ANKRD55: variants seen among roughly 807,000 people sequenced by gnomAD.
ANKRD55 encodes ankyrin repeat domain-containing protein 55.
A neutral mutation model predicts 60.6 loss-of-function variants in ANKRD55; 41 were observed. The observed-to-expected ratio is 0.68, with a 90% CI of 0.53 to 0.88. The LOEUF is 0.88. Among genes scored for constraint, ANKRD55 ranks in the 40% least tolerant of loss-of-function variants. ANKRD55 has a pLI of 0.00. For synonymous variants in ANKRD55, 264 were observed against 290.3 expected (o/e 0.91, Z 0.92); for missense variants, 732 against 767.6 (o/e 0.95, Z 0.55).
chr5:56,224,241 G>C (rs1193895644), intron 2 of ANKRD55, among the ~76,000 whole-genome samples: 2 of 151,226 alleles, frequency 1.3e-5, no homozygotes, highest in African/African-American at 4.9e-5. Context: ...ATGACTACTG[G>C]GTACATAATG....
intron 6 of ANKRD55, among the ~76,000 whole-genome samples, chr5:56,144,726 A>C (rs1254076615): frequency 4.6e-5 from 7 of 152,234 alleles, no homozygotes; most frequent in Non-Finnish European, 1.0e-4. Flanking sequence ...AGCTGGATAA[A>C]TGAATGGTGA....
At chr5:56,143,487 T>C (rs992872638) in intron 7 of ANKRD55, among the ~76,000 whole-genome samples, 3 of 152,160 alleles carry the variant, frequency 2.0e-5, no homozygotes, top group African/African-American at 7.2e-5. Context: ...TCAAAGACTT[T>C]GAAGGCATTT....
intron 11 of ANKRD55, among the ~76,000 whole-genome samples, chr5:56,101,165 T>A (rs1756259654): frequency 6.6e-6 from 1 of 152,254 alleles, no homozygotes; most frequent in Admixed American, 6.5e-5. Context: ...TTGGTTTGTC[T>A]CCTTCAAACC....
rs61268045 is a variant in ANKRD55, at chr5:56,112,511, A to AAAAAAAAAACAAAAAAAAAAAAC, written c.966-730_966-729insGTTTTTTTTTTTTGTTTTTTTTT. Among the ~76,000 whole-genome samples, 8 of 81,526 alleles carry AAAAAAAAAACAAAAAAAAAAAAC rather than the reference A, an allele frequency of 9.8e-5. 1 individual carries two copies. The highest frequency in any genetic ancestry group is 4.3e-4 in the African/African-American group (8 of 18,534). 53.5% of individuals were successfully genotyped at this position (81,526 alleles called of 152,430 possible). ...GCAGGATCTCATCTCTAGCAAAAAA[A>AAAAAAAAAACAAAAAAAAAAAAC]AAAAAAAAAAACAACCAAGGAAAGA... On this transcript the variant is annotated intron_variant, in intron 9 of 11. Transcript: ENST00000341048.
At chr5:56,122,124 T>C (rs573342150) in intron 8 of ANKRD55, among the ~76,000 whole-genome samples, 3 of 152,338 alleles carry the variant, frequency 2.0e-5, no homozygotes, top group Admixed American at 1.3e-4. Flanking sequence ...CTGAAGATTA[T>C]GTTTACTCTA....
At chr5:56,121,626 C>T (rs561067095) in intron 8 of ANKRD55, among the ~76,000 whole-genome samples, 157 of 151,974 alleles carry the variant, frequency 1.0e-3, no homozygotes, top group Non-Finnish European at 1.7e-3. Flanking sequence ...CCGCCTGGGC[C>T]TCCCAAAGTG....
At chr5:56,227,864 T>G (rs1309953136) in intron 2 of ANKRD55, among the ~76,000 whole-genome samples, 1 of 152,186 alleles carries the variant, frequency 6.6e-6, no homozygotes, top group Non-Finnish European at 1.5e-5. Flanking sequence ...AGCCTGGATC[T>G]GCTAAATGCT....
At chr5:56,151,550 C>T (rs879005673) in intron 6 of ANKRD55, among the ~76,000 whole-genome samples, 4 of 151,998 alleles carry the variant, frequency 2.6e-5, no homozygotes, top group Admixed American at 1.3e-4. Context: ...TGGTGGCTCA[C>T]GCCTATAATC....
chr5:56,137,034 G>A (rs1241136359), intron 7 of ANKRD55: 2 of 748,458 alleles, frequency 2.7e-6, no homozygotes, highest in Non-Finnish European at 4.9e-6. Flanking sequence ...AAATCAAGAG[G>A]TTCAAGTCTT....
At chr5:56,231,205 TA>T (rs1287723916) in intron 2 of ANKRD55, among the ~76,000 whole-genome samples, 2 of 152,120 alleles carry the variant, frequency 1.3e-5, no homozygotes, top group East Asian at 3.8e-4. Flanking sequence ...GAAATAGAGA[TA>T]AAGATGGCAG....
At chr5:56,232,021 T>C (rs1760270571) in intron 2 of ANKRD55, among the ~76,000 whole-genome samples, 1 of 152,108 alleles carries the variant, frequency 6.6e-6, no homozygotes, top group African/African-American at 2.4e-5. Flanking sequence ...CTGTAGAAAG[T>C]GGTTTAAATA....
intron 8 of ANKRD55, among the ~76,000 whole-genome samples, chr5:56,121,120 A>T (rs1428789507): frequency 2.0e-5 from 3 of 152,078 alleles, no homozygotes; most frequent in Admixed American, 6.6e-5. Context: ...ACCTGAAGGG[A>T]TAAGGACAGA....
intron 2 of ANKRD55, among the ~76,000 whole-genome samples, chr5:56,210,628 T>C (rs1759649823): frequency 6.6e-6 from 1 of 151,864 alleles, no homozygotes; most frequent in Non-Finnish European, 1.5e-5. Context: ...CCTTCATCTG[T>C]TATAATGCTA....
intron 2 of ANKRD55, among the ~76,000 whole-genome samples, chr5:56,209,933 A>T (rs1759619845): frequency 1.3e-5 from 2 of 152,332 alleles, no homozygotes; most frequent in African/African-American, 4.8e-5. Context: ...ATTATCAGTG[A>T]TAGTGTGCTT....
At chr5:56,222,824 A>G (rs1760003173) in intron 2 of ANKRD55, among the ~76,000 whole-genome samples, 1 of 152,178 alleles carries the variant, frequency 6.6e-6, no homozygotes, top group Non-Finnish European at 1.5e-5. Flanking sequence ...AAAGAAATGA[A>G]CAAAGCCTCC....
At chr5:56,214,322 G>A (rs1169746273) in intron 2 of ANKRD55, among the ~76,000 whole-genome samples, 1 of 152,232 alleles carries the variant, frequency 6.6e-6, no homozygotes, top group Non-Finnish European at 1.5e-5. Context: ...AGTCATCCAT[G>A]TGACCTTAGG....
intron 2 of ANKRD55, among the ~76,000 whole-genome samples, chr5:56,230,650 T>G (rs1044888503): frequency 3.9e-5 from 6 of 152,214 alleles, no homozygotes; most frequent in Non-Finnish European, 8.8e-5. Context: ...CCTCATGGTC[T>G]TTCATGCTTT....
In ANKRD55 at chr5:56,111,468, T is replaced by G. The variant is rs1756697013; in HGVS notation, c.1280A>C (p.Lys427Thr). ...LLPEKKPLAR[K>T]GLPPIRTQSL... ...CTGCGTTCTGATTGGTGGAAGCCCC[T>G]TACGGGCCAGCGGTTTCTTTTCTGG... is the stretch of plus-strand genomic sequence containing the variant. Residue 427 changes from lysine to threonine, a missense_variant, in exon 10 of 12, where the codon AAG becomes ACG. Physicochemically the swap from Lys to Thr is moderately conservative, Grantham distance 78. Coordinates refer to ENST00000341048, the MANE Select transcript of ANKRD55 (RefSeq NM_024669.3). 12 of 1,614,084 alleles carry G rather than the reference T, an allele frequency of 7.4e-6. No homozygotes were observed. Among genetic ancestry groups the G allele is most frequent in the African/African-American group, 5.3e-5 (4 of 74,934 alleles).
At chr5:56,102,403 A>T in intron 11 of ANKRD55, 91 bp downstream of exon 11, 2 of 1,006,026 alleles carry the variant, frequency 2.0e-6, no homozygotes, top group South Asian at 1.6e-5. Context: ...AAAAAAAAAA[A>T]GAAAAATGAA....
Sources: allele counts gnomAD v4.1 joint callset (sites outside exome capture counted in the v4.1 genomes callset), GRCh38; gene constraint gnomAD v4.1.1; transcripts MANE v1.5; gene names NCBI Gene and HGNC (gene_info 2026-07-23, HGNC 2026-07-21).